Variants in MED12L observed in about 807,000 individuals in gnomAD.
MED12L encodes mediator complex subunit 12L, also known as mediator of RNA polymerase II transcription subunit 12-like protein.
MED12L carries 60 observed loss-of-function variants against 281.3 expected under a neutral mutation model. The ratio of observed to expected loss-of-function variants is 0.21; its 90% CI spans 0.17 to 0.26. The LOEUF is 0.26. Ranked by LOEUF, MED12L falls within the 10% of genes least tolerant of loss-of-function variation. The pLI is 1.00. For missense variants in MED12L, 2,146 were observed against 2,680.9 expected (o/e 0.80, Z 4.41); for synonymous variants, 974 against 987.2 (o/e 0.99, Z 0.25).
chr3:151,348,213 C>T (rs1007923300), intron 16 of MED12L, among the ~76,000 whole-genome samples: 27 of 152,020 alleles, frequency 1.8e-4, no homozygotes, highest in Admixed American at 9.8e-4. Context: ...TACATTAGGA[C>T]CATCTGATAT....
intron 13 of MED12L, among the ~76,000 whole-genome samples, chr3:151,190,433 A>G (rs1252968140): frequency 6.6e-6 from 1 of 152,094 alleles, no homozygotes; most frequent in Non-Finnish European, 1.5e-5. Flanking sequence ...CAGCCTCCCA[A>G]AGTGCTGGGA....
At chr3:151,096,781 C>G (rs1720775555) in intron 2 of MED12L, among the ~76,000 whole-genome samples, 2 of 152,236 alleles carry the variant, frequency 1.3e-5, no homozygotes, top group Non-Finnish European at 2.9e-5. Context: ...CAAAGCAGAT[C>G]TGGGCCAAGC....
chr3:151,326,999 A>T (rs551537497), intron 16 of MED12L: 2 of 152,308 alleles, frequency 1.3e-5, no homozygotes, highest in African/African-American at 4.8e-5. Context: ...ATGTATCGAG[A>T]ATAGCAATTC....
At chr3:151,158,425 G>T (rs764952803) in intron 6 of MED12L, among the ~76,000 whole-genome samples, 1 of 151,866 alleles carries the variant, frequency 6.6e-6, no homozygotes, top group Non-Finnish European at 1.5e-5. Flanking sequence ...GACACACACT[G>T]GGGGTGTGAA....
chr3:151,224,903 C>T (rs1299723456), intron 16 of MED12L, among the ~76,000 whole-genome samples: 1 of 152,166 alleles, frequency 6.6e-6, no homozygotes, highest in East Asian at 1.9e-4. Context: ...TTTGCCAAGG[C>T]CGTTTGTTCA....
intron 6 of MED12L, among the ~76,000 whole-genome samples, chr3:151,158,012 C>A (rs1719506119): frequency 6.6e-6 from 1 of 152,114 alleles, no homozygotes; most frequent in Admixed American, 6.5e-5. Context: ...CATATGAAGG[C>A]AAGAGACAAA....
chr3:151,337,164 T>C (rs1157568578), intron 16 of MED12L: 1 of 152,148 alleles, frequency 6.6e-6, no homozygotes, highest in Non-Finnish European at 1.5e-5. Flanking sequence ...CTTATTTTAA[T>C]GACTTCGATA....
chr3:151,301,631 C>A (rs1261960937), intron 16 of MED12L, among the ~76,000 whole-genome samples: 2 of 152,110 alleles, frequency 1.3e-5, no homozygotes, highest in Admixed American at 1.3e-4. Context: ...GACATTTCAC[C>A]AAGAGCACAG....
At chr3:151,155,162 C>A (rs1306117354) in intron 5 of MED12L, among the ~76,000 whole-genome samples, 5 of 152,166 alleles carry the variant, frequency 3.3e-5, no homozygotes, top group African/African-American at 1.2e-4. Flanking sequence ...GAACCTATTG[C>A]TGAATAATGG....
chr3:151,091,129 G>A (rs960305312), intron 2 of MED12L, among the ~76,000 whole-genome samples: 13 of 152,140 alleles, frequency 8.5e-5, no homozygotes, highest in Admixed American at 7.9e-4. Context: ...AATCAAATTT[G>A]TTAGAAAAAT....
intron 16 of MED12L, among the ~76,000 whole-genome samples, chr3:151,293,093 G>T (rs1744479295): frequency 6.6e-6 from 1 of 152,082 alleles, no homozygotes; most frequent in South Asian, 2.1e-4. Context: ...TAACCTCTCT[G>T]CTAAACCTGA....
intron 16 of MED12L, among the ~76,000 whole-genome samples, chr3:151,306,014 C>T (rs776785727): frequency 2.6e-5 from 4 of 152,144 alleles, no homozygotes; most frequent in Admixed American, 1.3e-4. Flanking sequence ...ACAGCATACG[C>T]GTTGACATCC....
intron 16 of MED12L, among the ~76,000 whole-genome samples, chr3:151,222,237 C>A (rs1337444525): frequency 6.6e-6 from 1 of 152,172 alleles, no homozygotes; most frequent in East Asian, 1.9e-4. Flanking sequence ...GCGGAAGGGA[C>A]TTGCCTTGTC....
Position 151,368,134 on chromosome 3 carries a change from A to G in MED12L, c.3449-16A>G, listed in dbSNP as rs1322161952. 6.2e-7 allele frequency: 1 copy of G among 1,608,886 alleles called. No individual in the cohort carries two copies. The highest frequency in any genetic ancestry group is 1.1e-5 in the South Asian group (1 of 90,950). On this transcript the variant is annotated splice_polypyrimidine_tract_variant and intron_variant, in intron 24 of 44. Transcript: ENST00000687756. The stretch of plus-strand genomic sequence containing the variant: ...AGTGTGTTAGAAAACTTGCTTTTCC[A>G]ATCCCCCTTTCCTAGCTTGTGGGGA...
chr3:151,350,321 G>T, intron 17 of MED12L, 115 bp downstream of exon 17: 1 of 923,720 alleles, frequency 1.1e-6, no homozygotes, highest in Non-Finnish European at 1.6e-6. Flanking sequence ...CCTCCTGAAT[G>T]ACTCTCACAT....
intron 16 of MED12L, among the ~76,000 whole-genome samples, chr3:151,293,134 T>C (rs1313237397): frequency 6.6e-6 from 1 of 152,184 alleles, no homozygotes; most frequent in Non-Finnish European, 1.5e-5. Context: ...CACTAGACAC[T>C]TAGAGTAAGA....
intron 16 of MED12L, among the ~76,000 whole-genome samples, chr3:151,195,775 G>A (rs533395102): frequency 2.1e-4 from 32 of 152,270 alleles, no homozygotes; most frequent in Non-Finnish European, 4.3e-4. Context: ...TTCACCAAAT[G>A]TACTGTGGTT....
At chr3:151,110,402 T>A (rs1470049085) in intron 2 of MED12L, among the ~76,000 whole-genome samples, 1 of 152,210 alleles carries the variant, frequency 6.6e-6, no homozygotes, top group Non-Finnish European at 1.5e-5. Flanking sequence ...GGTTTTCCTC[T>A]AAAAGGGGTC....
chr3:151,202,049 T>C (rs190464166), intron 16 of MED12L, among the ~76,000 whole-genome samples: 11 of 152,356 alleles, frequency 7.2e-5, no homozygotes, highest in Non-Finnish European at 7.3e-5. Context: ...ATGAATAATT[T>C]ATCTGAAATG....
Sources: allele counts gnomAD v4.1 joint callset (sites outside exome capture counted in the v4.1 genomes callset), GRCh38; gene constraint gnomAD v4.1.1; transcripts MANE v1.5; gene names NCBI Gene and HGNC (gene_info 2026-07-23, HGNC 2026-07-21).